The following PHKA2 variants were observed in gnomAD, a reference collection of about 807,000 sequenced individuals.
The protein encoded by PHKA2 is phosphorylase b kinase regulatory subunit alpha, liver isoform.
In PHKA2, 31 loss-of-function variants were observed where a neutral mutation model predicts 102.0. The observed-to-expected ratio is 0.30, with a 90% CI of 0.23 to 0.41. PHKA2 has a LOEUF of 0.41. Ranked by LOEUF, PHKA2 falls within the 10% of genes least tolerant of loss-of-function variation. The pLI is 1.00. For synonymous variants in PHKA2, 455 were observed against 416.2 expected, an observed-to-expected ratio of 1.09 and a Z score of -1.13; for missense variants, 858 against 1,023.1, an observed-to-expected ratio of 0.84 and a Z score of 2.20.
rs138456299 is a variant in PHKA2 at position 18,895,767 on chromosome X, G to T, written c.3283-576C>A. 9.2e-5 allele frequency: 11 copies of T among 119,864 alleles called. No homozygotes were observed. In the East Asian group the frequency reaches 2.5e-3, roughly 27 times the overall value. The allele number at this position is 119,864 out of a possible 1,213,427, so 9.9% of individuals were successfully genotyped here. On this transcript the variant is annotated intron_variant, in intron 30 of 32. Coordinates refer to ENST00000379942, the MANE Select transcript of PHKA2 (RefSeq NM_000292.3). ...GCGGAAGCATGTGATGCCCCAGGAA[G>T]AGTGGGGAAATTTTCTAGGAACAGC...
Position 18,983,755 on chromosome X carries a change from A to C in PHKA2, c.78+100T>G, listed in dbSNP as rs181625067. On this transcript the variant is annotated intron_variant, in intron 1 of 32. Coordinates refer to ENST00000379942, the MANE Select transcript of PHKA2 (RefSeq NM_000292.3). The stretch of plus-strand genomic sequence containing the variant: ...ACTAGATTCAAATAGCAAACTCTTA[A>C]TTGCAAGGTCTCAGGTCACAAGAGG... The C allele has an allele frequency of 1.4e-4, 102 of 714,392 alleles. No homozygotes were observed. In the African/African-American group the frequency reaches 1.7e-3, roughly 12 times the overall value. The allele number at this position is 714,392 out of a possible 1,213,427, so 58.9% of individuals were successfully genotyped here.
At chrX:18,909,823 C>T (rs764870575) in intron 20 of PHKA2, among the ~76,000 whole-genome samples, 13 of 112,330 alleles carry the variant, frequency 1.2e-4, no homozygotes, top group Non-Finnish European at 1.9e-4. Flanking sequence ...TAGACGGAGC[C>T]GAAAAGCCCT....
intron 8 of PHKA2, 21 bp from the exon 9 acceptor site, chrX:18,940,069 C>T (rs200885826): frequency 4.3e-5 from 50 of 1,154,065 alleles, no homozygotes; most frequent in Middle Eastern, 2.4e-4. Flanking sequence ...AAAGTACATT[C>T]GATGAGCTCA....
intron 30 of PHKA2, chrX:18,895,713 A>G (rs980179139): frequency 1.6e-5 from 2 of 123,148 alleles, no homozygotes; most frequent in Non-Finnish European, 3.4e-5. Context: ...CATAATAGAA[A>G]TATCTTGGTA....
At chrX:18,938,529 C>T (rs1414475572) in intron 10 of PHKA2, 98 bp downstream of exon 10, 25 of 890,832 alleles carry the variant, frequency 2.8e-5, no homozygotes, top group Non-Finnish European at 3.0e-5. Flanking sequence ...ATAACCGAAA[C>T]AGTGACCTAA....
chrX:18,916,046 G>A (rs1228792211), intron 19 of PHKA2, among the ~76,000 whole-genome samples: 1 of 112,105 alleles, frequency 8.9e-6, no homozygotes, highest in Non-Finnish European at 1.9e-5. Flanking sequence ...GTGCAGCACT[G>A]AGATGTCAGA....
intron 1 of PHKA2, among the ~76,000 whole-genome samples, chrX:18,965,506 C>T (rs995505982): frequency 2.7e-5 from 3 of 111,075 alleles, no homozygotes; most frequent in African/African-American, 9.9e-5. Context: ...ATGAAGACAC[C>T]ACATGTCACT....
intron 9 of PHKA2, among the ~76,000 whole-genome samples, chrX:18,939,146 A>G (rs1433155094): frequency 1.8e-5 from 2 of 111,869 alleles, no homozygotes; most frequent in Non-Finnish European, 3.8e-5. Context: ...CTTGTCTACA[A>G]GCTGGTTTTA....
intron 31 of PHKA2, chrX:18,894,926 TGA>T: frequency 2.2e-6 from 1 of 453,302 alleles, no homozygotes. Context: ...CCAGAAATGC[TGA>T]GTCTCAGGTG....
chrX:18,933,365 G>C (rs1448481545), intron 11 of PHKA2, among the ~76,000 whole-genome samples: 1 of 112,804 alleles, frequency 8.9e-6, no homozygotes, highest in Non-Finnish European at 1.9e-5. Context: ...TCTGGCCCCT[G>C]CTAACCTGCA....
chrX:18,924,383 A>G lies in PHKA2; in HGVS notation c.1712T>C (p.Leu571Pro), dbSNP rs1202396399. 1 of 1,208,923 alleles carries G rather than the reference A, an allele frequency of 8.3e-7. No homozygotes were observed. The change falls in exon 16 of 33, where the codon CTC (leucine) becomes CCC (proline). Residue 571 changes from leucine (L) to proline (P), a missense_variant and splice_region_variant. Physicochemically the swap from Leu to Pro is moderately conservative, Grantham distance 98. Transcript: ENST00000379942. ...CCTGCTGAAATCCCTGGAGTTACTG[A>G]GCATGGTGCGACTGATGGGGAAGGT... ...TLTFPISRTM[L>P]TNDGSDIHSA...
intron 1 of PHKA2, among the ~76,000 whole-genome samples, chrX:18,963,429 C>T (rs1190053438): frequency 8.9e-6 from 1 of 112,220 alleles, no homozygotes; most frequent in Non-Finnish European, 1.9e-5. Context: ...CTGGGACAAC[C>T]CTACCAGAGA....
intron 7 of PHKA2, among the ~76,000 whole-genome samples, chrX:18,942,214 T>C (rs1396106056): frequency 1.8e-5 from 2 of 111,866 alleles, no homozygotes; most frequent in Admixed American, 1.9e-4. Context: ...AGAATCTTTC[T>C]AGGGTTACTT....
chrX:18,905,674 T>G (rs2047796022), intron 26 of PHKA2, 84 bp downstream of exon 26: 8 of 650,181 alleles, frequency 1.2e-5, no homozygotes, highest in Non-Finnish European at 2.1e-5. Flanking sequence ...CCACATTCGC[T>G]ATGCCCCACA....
Position 18,940,082 on chromosome X carries a change from G to T in PHKA2, c.865-34C>A, listed in dbSNP as rs191481881. 2.0e-4 allele frequency: 221 copies of T among 1,101,420 alleles called. No individual in the cohort carries two copies. In the African/African-American group the frequency reaches 3.7e-3, roughly 18 times the overall value. 90.8% of individuals were successfully genotyped at this position (1,101,420 alleles called of 1,213,427 possible). Reference sequence around the variant, plus strand: ...AGAAAGTACATTCGATGAGCTCAGAGAAATTTTTTTGCCTTTTTAATTCAA... The same window carrying T: ...AGAAAGTACATTCGATGAGCTCAGATAAATTTTTTTGCCTTTTTAATTCAA... On this transcript the variant is annotated intron_variant, in intron 8 of 32. Transcript: ENST00000379942.
At chrX:18,895,078 C>T in intron 31 of PHKA2, 60 bp downstream of exon 31, 1 of 1,044,652 alleles carries the variant, frequency 9.6e-7, no homozygotes, top group Non-Finnish European at 1.3e-6. Context: ...AGAGTCCATG[C>T]AATGAAGCCC....
intron 1 of PHKA2, among the ~76,000 whole-genome samples, chrX:18,964,989 A>C (rs960109142): frequency 8.9e-6 from 1 of 112,365 alleles, no homozygotes; most frequent in African/African-American, 3.2e-5. Context: ...CACAAGCTGC[A>C]AGCTGTCCTG....
intron 1 of PHKA2, among the ~76,000 whole-genome samples, chrX:18,978,401 T>C (rs1357846497): frequency 9.0e-6 from 1 of 111,728 alleles, no homozygotes; most frequent in Non-Finnish European, 1.9e-5. Flanking sequence ...TTCTTTATTC[T>C]GCAATCGTTT....
chrX:18,912,732 C>T (rs1056619727), intron 19 of PHKA2, among the ~76,000 whole-genome samples: 4 of 110,066 alleles, frequency 3.6e-5, no homozygotes, highest in Admixed American at 9.7e-5. Flanking sequence ...GACAACATGG[C>T]GAAACCCCAT....
Sources: gnomAD v4.1 joint callset for allele counts (sites outside exome capture counted in the v4.1 genomes callset) on GRCh38, gnomAD v4.1.1 for gene constraint, MANE v1.5 for transcripts, NCBI Gene and HGNC (gene_info 2026-07-23, HGNC 2026-07-21) for gene names.